LRP6: variants seen among roughly 807,000 people sequenced by gnomAD.
LRP6 encodes the protein low-density lipoprotein receptor-related protein 6.
A neutral mutation model predicts 184.1 loss-of-function variants in LRP6; 43 were observed. The ratio of observed to expected loss-of-function variants is 0.23; its 90% CI spans 0.18 to 0.30. LRP6 has a LOEUF of 0.30. Ranked by LOEUF, LRP6 falls within the 10% of genes least tolerant of loss-of-function variation. LRP6 has a pLI of 1.00. For synonymous variants in LRP6, 719 were observed against 684.9 expected (o/e 1.05, Z -0.78); for missense variants, 1,571 against 2,005.3 (o/e 0.78, Z 4.14).
chr12:12,214,514 T>C (rs541550082), intron 2 of LRP6, among the ~76,000 whole-genome samples: 48 of 152,236 alleles, frequency 3.2e-4, no homozygotes, highest in Non-Finnish European at 5.9e-4. Context: ...AACACATTCC[T>C]GCAAAATAAA....
chr12:12,148,992 C>G lies in LRP6; in HGVS notation c.3156G>C (p.Leu1052=). ...RLDGRSVGVV[L]KGEQDRPRAV... ...CTCGAGGTCTGTCCTGCTCGCCTTTCAGCACCACTCCAACTGATCTCCCAT... is the reference window on the plus strand; with the variant it reads ...CTCGAGGTCTGTCCTGCTCGCCTTTGAGCACCACTCCAACTGATCTCCCAT... The change falls in exon 14 of 23, where the codon CTG becomes CTC. Residue 1052 remains leucine (L), a synonymous_variant. Transcript: ENST00000261349. 6.2e-7 allele frequency: 1 copy of G among 1,614,004 alleles called. No individual in the cohort carries two copies. The highest frequency in any genetic ancestry group is 8.5e-7 in the Non-Finnish European group (1 of 1,179,972).
intron 2 of LRP6, among the ~76,000 whole-genome samples, chr12:12,219,178 TAC>T (rs1864422786): frequency 1.3e-5 from 2 of 152,218 alleles, no homozygotes; most frequent in South Asian, 4.1e-4. Context: ...ACAAATTTTA[TAC>T]TCTTAACTGT....
At chr12:12,256,781 G>C (rs1273173540) in intron 1 of LRP6, among the ~76,000 whole-genome samples, 1 of 152,190 alleles carries the variant, frequency 6.6e-6, no homozygotes, top group East Asian at 1.9e-4. Flanking sequence ...ACTCCTCCTT[G>C]GGTGATGAAG....
intron 15 of LRP6, among the ~76,000 whole-genome samples, chr12:12,142,854 AG>A (rs1949953652): frequency 6.6e-6 from 1 of 152,204 alleles, no homozygotes; most frequent in African/African-American, 2.4e-5. Context: ...ACCTTAGCAA[AG>A]AATACTTAAT....
Position 12,164,282 on chromosome 12 carries a change from T to C in LRP6, c.2043A>G (p.Ile681Met). 1 of 1,613,960 alleles carries C rather than the reference T, an allele frequency of 6.2e-7. No individual in the cohort carries two copies. The highest frequency in any genetic ancestry group is 8.5e-7 in the Non-Finnish European group (1 of 1,179,974). ...CAATTCTTTTGCTAACCTTGAGTGATATATCAGTCCAATAAATTCGGTTGT... is the reference window on the plus strand; with the variant it reads ...CAATTCTTTTGCTAACCTTGAGTGACATATCAGTCCAATAAATTCGGTTGT... ...VTDNRIYWTD[I>M]SLKTISRAFM... Residue 681 changes from isoleucine (I) to methionine (M), a missense_variant, in exon 9 of 23, where the codon ATA (isoleucine) becomes ATG (methionine). Transcript: ENST00000261349.
rs376418094 is a variant in LRP6, at chr12:12,162,142, C to T, written c.2279+51G>A. 5.7e-5 allele frequency: 78 copies of T among 1,372,936 alleles called. No individual in the cohort carries two copies. The African/African-American group carries it at 9.6e-4, about 17-fold the overall frequency. The allele number at this position is 1,372,936 out of a possible 1,614,324, so 85.0% of individuals were successfully genotyped here. A position where few individuals can be genotyped will look rare whatever the true frequency, so the allele number is the denominator to read the frequency against. ...ATATCATCTGTAACTATGCCATGTTCCCCGAAATGTACACTGCAGTTGCAA... is the reference window on the plus strand; with the variant it reads ...ATATCATCTGTAACTATGCCATGTTTCCCGAAATGTACACTGCAGTTGCAA... On this transcript the variant is annotated intron_variant, in intron 10 of 22. Coordinates refer to ENST00000261349, the MANE Select transcript of LRP6 (RefSeq NM_002336.3).
intron 1 of LRP6, among the ~76,000 whole-genome samples, chr12:12,262,513 G>T (rs530803799): frequency 6.6e-6 from 1 of 150,796 alleles, no homozygotes; most frequent in Non-Finnish European, 1.5e-5. Context: ...AGCCAAGATC[G>T]CGGCACTGCA....
At position 12,126,738 on chromosome 12, in the gene LRP6, G is replaced by C. The variant is rs2136847191; in HGVS notation, c.4265C>G (p.Pro1422Arg). ...ACTTGGGTGTGGCACATAACCAAGA[G>C]GCACAGAAGCTGGTCCATGAACTAC... ...DYVVHGPASV[P>R]LGYVPHPSSL... The change falls in exon 20 of 23, where the codon CCT becomes CGT. Residue 1422 changes from proline to arginine, a missense_variant. Coordinates refer to ENST00000261349, the MANE Select transcript of LRP6 (RefSeq NM_002336.3). 5 of 1,614,116 alleles carry C rather than the reference G, an allele frequency of 3.1e-6. No homozygotes were observed. The highest frequency in any genetic ancestry group is 4.2e-6 in the Non-Finnish European group (5 of 1,179,972).
intron 2 of LRP6, among the ~76,000 whole-genome samples, chr12:12,236,903 A>G (rs990065881): frequency 8.8e-5 from 13 of 148,304 alleles, no homozygotes; most frequent in Admixed American, 7.4e-4. Context: ...CCAAACCCCC[A>G]TAATTCAGGG....
intron 2 of LRP6, among the ~76,000 whole-genome samples, chr12:12,203,906 A>G (rs1031110671): frequency 5.3e-5 from 8 of 152,252 alleles, no homozygotes; most frequent in African/African-American, 1.9e-4. Context: ...AACTATCATC[A>G]AGGATTCAAA....
intron 2 of LRP6, among the ~76,000 whole-genome samples, chr12:12,226,468 T>A (rs936761327): frequency 6.6e-6 from 1 of 152,128 alleles, no homozygotes; most frequent in Non-Finnish European, 1.5e-5. Context: ...AATAGACTGA[T>A]AATGTAAGCA....
chr12:12,146,604 A>G (rs1261202328), intron 15 of LRP6, among the ~76,000 whole-genome samples: 1 of 152,244 alleles, frequency 6.6e-6, no homozygotes, highest in Non-Finnish European at 1.5e-5. Context: ...CGCCACGATG[A>G]GGTTGTGAAA....
rs1158887527 is a variant in LRP6 at position 12,147,372 on chromosome 12, G to C, written c.3391C>G (p.Leu1131Val). 1 of 1,613,996 alleles carries C rather than the reference G, an allele frequency of 6.2e-7. No homozygotes were observed. Among genetic ancestry groups the C allele is most frequent in the Admixed American group, 1.7e-5 (1 of 60,002 alleles). The change falls in exon 15 of 23, where the codon CTC (leucine) becomes GTC (valine). Residue 1131 changes from leucine to valine, a missense_variant. By Grantham distance (32) the Leu-to-Val change is conservative. This residue lies in a region of LRP6 where 763 missense variants were observed against 859.5 expected (regional missense o/e 0.89). Transcript: ENST00000261349. ...AAACATATTTCTTGGGTACCTGAGA[G>C]ATCACTGCTTTCAATTCGCCGGAGA... is the stretch of plus-strand genomic sequence containing the variant. ...SDLRRIESSD[L>V]SGANRIVLED...
chr12:12,204,873 A>G (rs887095627), intron 2 of LRP6, among the ~76,000 whole-genome samples: 1 of 151,030 alleles, frequency 6.6e-6, no homozygotes, highest in African/African-American at 2.4e-5. Flanking sequence ...AGGCTGAGGC[A>G]GGAGAATCGC....
At chr12:12,146,399 C>A (rs1228463896) in intron 15 of LRP6, among the ~76,000 whole-genome samples, 4 of 152,158 alleles carry the variant, frequency 2.6e-5, no homozygotes, top group Non-Finnish European at 5.9e-5. Flanking sequence ...GCCATGCTGA[C>A]AGACACAAAT....
intron 7 of LRP6, among the ~76,000 whole-genome samples, chr12:12,170,450 G>GTT (rs144571964): frequency 1.8e-3 from 267 of 148,136 alleles, no homozygotes; most frequent in African/African-American, 6.3e-3. Flanking sequence ...GACATTTATG[G>GTT]TTTTTTTTTT....
intron 1 of LRP6, among the ~76,000 whole-genome samples, chr12:12,262,462 A>G (rs1865639804): frequency 6.6e-6 from 1 of 151,934 alleles, no homozygotes; most frequent in Admixed American, 6.6e-5. Flanking sequence ...GGAGGCTGAG[A>G]CAGGAGAATC....
At chr12:12,262,537 G>A (rs1254342610) in intron 1 of LRP6, among the ~76,000 whole-genome samples, 11 of 146,320 alleles carry the variant, frequency 7.5e-5, no homozygotes, top group African/African-American at 2.3e-4. Flanking sequence ...CAGCCTGAGC[G>A]ACAGAGCGAG....
chr12:12,182,785 T>C (rs1161808700), intron 5 of LRP6, among the ~76,000 whole-genome samples: 1 of 152,182 alleles, frequency 6.6e-6, no homozygotes. Context: ...GCCTAGAACT[T>C]CACAAAGAAG....
Sources: gnomAD v4.1 joint callset for allele counts (sites outside exome capture counted in the v4.1 genomes callset) on GRCh38, gnomAD v4.1.1 for gene constraint, gnomAD v4.1.1 regional missense constraint, MANE v1.5 for transcripts, NCBI Gene and HGNC (gene_info 2026-07-23, HGNC 2026-07-21) for gene names.